The following WWOX variants were observed in gnomAD, a reference collection of about 807,000 sequenced individuals.
WWOX encodes WW domain containing oxidoreductase, also known as WW domain-containing oxidoreductase.
WWOX carries 69 observed loss-of-function variants against 46.2 expected under a neutral mutation model. The ratio of observed to expected loss-of-function variants is 1.49; its 90% CI spans 1.23 to 1.82. WWOX has a LOEUF of 1.82. WWOX is among the 40% of genes most tolerant of loss of function. The probability of loss-of-function intolerance (pLI) is 0.00; values close to 1 mark genes in which losing one functional copy is unlikely to be tolerated. For missense variants in WWOX, 919 were observed against 542.6 expected, an observed-to-expected ratio of 1.69 and a Z score of -6.89; for synonymous variants, 359 against 202.6, an observed-to-expected ratio of 1.77 and a Z score of -6.56.
intron 8 of WWOX, among the ~76,000 whole-genome samples, chr16:78,793,052 C>T (rs150877888): frequency 6.6e-6 from 1 of 152,128 alleles, no homozygotes; most frequent in African/African-American, 2.4e-5. Flanking sequence ...TTTCTTTCAT[C>T]TTATCTATAT....
intron 5 of WWOX, among the ~76,000 whole-genome samples, chr16:78,235,364 C>T (rs2037401272): frequency 6.6e-6 from 1 of 152,060 alleles, no homozygotes; most frequent in Admixed American, 6.5e-5. Flanking sequence ...AACAAGCCTG[C>T]CAGGCCGGCT....
Position 78,166,485 on chromosome 16 carries a change from G to T in WWOX, c.516+2196G>T, listed in dbSNP as rs1597295610. ...GCAGAATCTTAGCACTGGACTCCTTGATTCAAAGGGCATATGCATTTAAAA... is the reference window on the plus strand; with the variant it reads ...GCAGAATCTTAGCACTGGACTCCTTTATTCAAAGGGCATATGCATTTAAAA... On this transcript the variant is annotated intron_variant, in intron 5 of 8. Transcript: ENST00000566780. Among the ~76,000 whole-genome samples the T allele has an allele frequency of 2.6e-5, 4 of 152,196 alleles. No individual in the cohort carries two copies. The East Asian group carries it at 7.7e-4, about 29-fold the overall frequency.
intron 8 of WWOX, among the ~76,000 whole-genome samples, chr16:79,127,428 G>A (rs535675969): frequency 6.6e-6 from 1 of 152,210 alleles, no homozygotes; most frequent in South Asian, 2.1e-4. Context: ...TTCTAAATCA[G>A]CATATAAATT....
intron 5 of WWOX, among the ~76,000 whole-genome samples, chr16:78,385,165 G>A (rs1014930964): frequency 1.5e-3 from 57 of 38,858 alleles, no homozygotes; most frequent in African/African-American, 7.8e-3. Flanking sequence ...ACACACAAAA[G>A]CACAGGGCTT....
At chr16:79,201,249 A>T (rs925825880) in intron 8 of WWOX, among the ~76,000 whole-genome samples, 2 of 152,118 alleles carry the variant, frequency 1.3e-5, no homozygotes, top group African/African-American at 2.4e-5. Context: ...AGCTCCCTCC[A>T]GGACTGAAGA....
chr16:79,094,005 C>A (rs1178592063), intron 8 of WWOX, among the ~76,000 whole-genome samples: 3 of 152,134 alleles, frequency 2.0e-5, no homozygotes, highest in African/African-American at 7.2e-5. Flanking sequence ...TGAACGAATA[C>A]ATGTATGAAT....
chr16:78,590,146 G>GTCTCTCTCTCTCTC (rs58692243), intron 8 of WWOX, among the ~76,000 whole-genome samples: 17,476 of 149,602 alleles, frequency 0.12, 2,494 homozygotes, highest in African/African-American at 0.35. Context: ...TAGGCATTCA[G>GTCTCTCTCTCTCTC]TCTCTCTCTC....
chr16:79,179,967 G>A (rs992381907), intron 8 of WWOX, among the ~76,000 whole-genome samples: 1 of 152,188 alleles, frequency 6.6e-6, no homozygotes, highest in Admixed American at 6.5e-5. Context: ...CAAGACTTAA[G>A]TCCATGTTAC....
intron 8 of WWOX, among the ~76,000 whole-genome samples, chr16:78,885,362 C>G (rs571710280): frequency 6.6e-6 from 1 of 152,066 alleles, no homozygotes. Context: ...CAGCTCAGTA[C>G]AAGAACACTT....
chr16:78,745,582 T>G (rs562176957), intron 8 of WWOX, among the ~76,000 whole-genome samples: 1 of 151,322 alleles, frequency 6.6e-6, no homozygotes, highest in African/African-American at 2.4e-5. Flanking sequence ...ATGTAACATT[T>G]TAAAGCCCTT....
intron 8 of WWOX, among the ~76,000 whole-genome samples, chr16:79,003,392 A>G (rs1326207028): frequency 6.6e-6 from 1 of 152,224 alleles, no homozygotes; most frequent in African/African-American, 2.4e-5. Context: ...TCATCCTCCC[A>G]TTATCACCGT....
chr16:79,186,621 G>A (rs1237783587), intron 8 of WWOX, among the ~76,000 whole-genome samples: 4 of 152,116 alleles, frequency 2.6e-5, no homozygotes, highest in African/African-American at 9.7e-5. Context: ...TGAGGCAATG[G>A]CGGTTGGGAC....
intron 8 of WWOX, among the ~76,000 whole-genome samples, chr16:79,082,136 C>G (rs1251257499): frequency 6.6e-6 from 1 of 152,202 alleles, no homozygotes; most frequent in African/African-American, 2.4e-5. Context: ...TCAGCACCAG[C>G]TAGTGGGTAA....
chr16:78,945,475 T>C (rs763966782), intron 8 of WWOX, among the ~76,000 whole-genome samples: 1 of 152,248 alleles, frequency 6.6e-6, no homozygotes, highest in Admixed American at 6.5e-5. Context: ...AAAAAAGTTT[T>C]GGGGTTTGTT....
intron 4 of WWOX, among the ~76,000 whole-genome samples, chr16:78,162,129 C>G (rs1477958432): frequency 2.0e-5 from 3 of 152,142 alleles, no homozygotes; most frequent in African/African-American, 7.2e-5. Context: ...ATACGTGACA[C>G]TAGGTGTAGT....
chr16:78,691,976 G>C (rs1315451457), intron 8 of WWOX, among the ~76,000 whole-genome samples: 2 of 152,190 alleles, frequency 1.3e-5, no homozygotes, highest in Admixed American at 1.3e-4. Context: ...TGTATCAGGA[G>C]TTTCCGCTTT....
At chr16:78,927,220 T>G (rs2045518650) in intron 8 of WWOX, among the ~76,000 whole-genome samples, 1 of 152,218 alleles carries the variant, frequency 6.6e-6, no homozygotes, top group Non-Finnish European at 1.5e-5. Flanking sequence ...AGCAGGATTT[T>G]CAATGCCTGG....
rs573527113 is a variant in WWOX, at chr16:79,141,546, A to G, written c.1057-70062A>G. Among the ~76,000 whole-genome samples the G allele has an allele frequency of 4.6e-5, 7 of 152,368 alleles. No individual in the cohort carries two copies. The South Asian group carries it at 1.4e-3, about 32-fold the overall frequency. On this transcript the variant is annotated intron_variant, in intron 8 of 8. Coordinates refer to ENST00000566780, the MANE Select transcript of WWOX (RefSeq NM_016373.4). The stretch of plus-strand genomic sequence containing the variant: ...TCAAGTCTCATTTTAATCGGAAGGA[A>G]GTTTTACCAGCTCTTTGGCTTTGTA...
intron 8 of WWOX, among the ~76,000 whole-genome samples, chr16:78,669,731 T>G (rs1321137148): frequency 6.6e-6 from 1 of 152,200 alleles, no homozygotes; most frequent in East Asian, 1.9e-4. Flanking sequence ...TTGCCTTTCA[T>G]CCCTTCAATA....
Sources: gnomAD v4.1 joint callset for allele counts (sites outside exome capture counted in the v4.1 genomes callset) on GRCh38, gnomAD v4.1.1 for gene constraint, MANE v1.5 for transcripts, NCBI Gene and HGNC (gene_info 2026-07-23, HGNC 2026-07-21) for gene names.